The following TNFAIP6 variants were observed in gnomAD, a reference collection of about 807,000 sequenced individuals.
TNFAIP6 encodes the protein tumor necrosis factor-inducible gene 6 protein.
A neutral mutation model predicts 33.7 loss-of-function variants in TNFAIP6; 36 were observed. The ratio of observed to expected loss-of-function variants is 1.07; its 90% CI spans 0.82 to 1.41. The LOEUF (loss-of-function observed/expected upper bound fraction) is 1.41, where lower values mean the gene tolerates loss of function less well. Ranked by LOEUF, TNFAIP6 falls within the 40% of genes most tolerant of loss-of-function variation. The pLI, the probability that TNFAIP6 is intolerant of heterozygous loss-of-function variation, is 0.00. For synonymous variants in TNFAIP6, 113 were observed against 112.8 expected, an observed-to-expected ratio of 1.00 and a Z score of -0.01; for missense variants, 273 against 331.9, an observed-to-expected ratio of 0.82 and a Z score of 1.38.
At chr2:151,362,961 C>T (rs1684652914) in intron 1 of TNFAIP6, among the ~76,000 whole-genome samples, 1 of 152,138 alleles carries the variant, frequency 6.6e-6, no homozygotes, top group African/African-American at 2.4e-5. Context: ...TAGCTTAAAT[C>T]CAACAGAAAG....
chr2:151,373,526 CTT>C, intron 4 of TNFAIP6, 21 bp from the exon 5 acceptor site: 2 of 1,499,164 alleles, frequency 1.3e-6, no homozygotes, highest in Non-Finnish European at 1.8e-6. Flanking sequence ...TGTGACATCT[CTT>C]TTCTAAAAAT....
chr2:151,365,749 T>A (rs1330997492), intron 2 of TNFAIP6, among the ~76,000 whole-genome samples: 2 of 152,222 alleles, frequency 1.3e-5, no homozygotes, highest in African/African-American at 4.8e-5. Context: ...AATTGTCTCA[T>A]GGCATTCCAT....
intron 1 of TNFAIP6, among the ~76,000 whole-genome samples, 181 bp from the exon 2 acceptor site, chr2:151,363,762 C>A (rs777017460): frequency 3.9e-5 from 6 of 152,164 alleles, no homozygotes; most frequent in Non-Finnish European, 7.4e-5. Flanking sequence ...AAAATTCCCC[C>A]TCATTCAGAT....
intron 5 of TNFAIP6, 101 bp downstream of exon 5, chr2:151,373,690 C>A: frequency 1.8e-6 from 1 of 556,666 alleles, no homozygotes; most frequent in Non-Finnish European, 2.9e-6. Flanking sequence ...TTATTATTCA[C>A]TTTTTAAAGT....
intron 5 of TNFAIP6, among the ~76,000 whole-genome samples, chr2:151,374,955 G>A (rs1187367560): frequency 2.6e-5 from 4 of 151,834 alleles, no homozygotes; most frequent in Admixed American, 6.6e-5. Flanking sequence ...GAGAAACACC[G>A]TCTCTACCAG....
chr2:151,363,890 C>A (rs1266069997), intron 1 of TNFAIP6, 53 bp from the exon 2 acceptor site: 1 of 1,594,142 alleles, frequency 6.3e-7, no homozygotes, highest in African/African-American at 1.4e-5. Flanking sequence ...AGAATTTCCC[C>A]TGTTCCGTAA....
At chr2:151,363,893 T>C (rs1684668706) in intron 1 of TNFAIP6, 50 bp from the exon 2 acceptor site, 3 of 1,598,722 alleles carry the variant, frequency 1.9e-6, no homozygotes, top group African/African-American at 1.3e-5. Context: ...ATTTCCCCTG[T>C]TCCGTAAGAA....
chr2:151,368,527 GTT>G (rs1470031555), intron 3 of TNFAIP6: 3 of 151,428 alleles, frequency 2.0e-5, no homozygotes, highest in African/African-American at 7.3e-5. Flanking sequence ...CAGCGTTTTT[GTT>G]TTGTTTTATA....
At chr2:151,360,562 T>C (rs1684610218) in intron 1 of TNFAIP6, among the ~76,000 whole-genome samples, 2 of 152,174 alleles carry the variant, frequency 1.3e-5, no homozygotes, top group Non-Finnish European at 2.9e-5. Context: ...TTCTGAAAGG[T>C]AAAATTAGGA....
intron 1 of TNFAIP6, among the ~76,000 whole-genome samples, chr2:151,361,892 T>C (rs1451256703): frequency 6.6e-6 from 1 of 152,176 alleles, no homozygotes; most frequent in East Asian, 1.9e-4. Context: ...GTGTGAGTAA[T>C]GGGATTTACT....
At chr2:151,359,546 G>A (rs1029251406) in intron 1 of TNFAIP6, among the ~76,000 whole-genome samples, 12 of 151,928 alleles carry the variant, frequency 7.9e-5, no homozygotes, top group East Asian at 1.9e-4. Context: ...CCGCCACCAC[G>A]CCTGGCTAAT....
At chr2:151,373,758 A>G in intron 5 of TNFAIP6, 169 bp downstream of exon 5, 1 of 367,606 alleles carries the variant, frequency 2.7e-6, no homozygotes. Flanking sequence ...AAAAAAAAAA[A>G]AATTAAAGAT....
intron 1 of TNFAIP6, among the ~76,000 whole-genome samples, chr2:151,358,372 G>C (rs1684569929): frequency 6.6e-6 from 1 of 152,140 alleles, no homozygotes; most frequent in African/African-American, 2.4e-5. Context: ...GTTAGACAAG[G>C]AAAGTTTCTT....
rs182666632 is a variant in TNFAIP6, at chr2:151,359,457, C to T, written c.94+1697C>T. ...ACGCTGGAGTGCAGTGGCACCATCT[C>T]GGCTCACTCCAAGCTCCGCCTCCCA... is the stretch of plus-strand genomic sequence containing the variant. On this transcript the variant is annotated intron_variant, in intron 1 of 5. Transcript: ENST00000243347. Among the ~76,000 whole-genome samples, 11 of 148,426 alleles carry T rather than the reference C, an allele frequency of 7.4e-5. No individual in the cohort carries two copies. The East Asian group carries it at 7.9e-4, about 11-fold the overall frequency.
At chr2:151,367,772 AC>A in intron 3 of TNFAIP6, among the ~76,000 whole-genome samples, 1 of 152,222 alleles carries the variant, frequency 6.6e-6, no homozygotes, top group East Asian at 1.9e-4. Context: ...TGGTATGCTG[AC>A]TATTTAGGAT....
At chr2:151,377,448 C>G (rs555675898) in intron 5 of TNFAIP6, among the ~76,000 whole-genome samples, 6 of 150,628 alleles carry the variant, frequency 4.0e-5, no homozygotes, top group South Asian at 2.1e-4. Flanking sequence ...GGATTACAGG[C>G]GTGAGCCACC....
intron 5 of TNFAIP6, among the ~76,000 whole-genome samples, chr2:151,376,293 C>CT (rs1352364501): frequency 6.6e-6 from 1 of 151,842 alleles, no homozygotes; most frequent in East Asian, 1.9e-4. Context: ...TGATGCGTAC[C>CT]TGTAGTCCCA....
intron 3 of TNFAIP6, chr2:151,368,279 A>T (rs555427072): frequency 6.5e-6 from 1 of 153,396 alleles, no homozygotes; most frequent in Non-Finnish European, 1.5e-5. Flanking sequence ...CCAATGAAGA[A>T]AATGAAGTGT....
At chr2:151,365,969 A>G (rs879180793) in intron 2 of TNFAIP6, 87 bp from the exon 3 acceptor site, 13 of 1,304,092 alleles carry the variant, frequency 1.0e-5, no homozygotes, top group Middle Eastern at 3.8e-4. Flanking sequence ...GAAACTTACT[A>G]TTGGAAGTGG....
Sources: allele counts gnomAD v4.1 joint callset (sites outside exome capture counted in the v4.1 genomes callset), GRCh38; gene constraint gnomAD v4.1.1; transcripts MANE v1.5; gene names NCBI Gene and HGNC (gene_info 2026-07-23, HGNC 2026-07-21).